PLCL1: variants seen among roughly 807,000 people sequenced by gnomAD.
PLCL1 encodes inactive phospholipase C-like protein 1.
In PLCL1, 41 loss-of-function variants were observed where a neutral mutation model predicts 84.4. The observed-to-expected ratio is 0.49, with a 90% CI of 0.38 to 0.63. The LOEUF is 0.63. Among genes scored for constraint, PLCL1 ranks in the 30% least tolerant of loss-of-function variants. The probability of loss-of-function intolerance (pLI) is 0.00; values close to 1 mark genes in which losing one functional copy is unlikely to be tolerated. For missense variants in PLCL1, 1,206 were observed against 1,367.8 expected (o/e 0.88, Z 1.87); for synonymous variants, 490 against 488.3 (o/e 1.00, Z -0.05).
Position 198,020,573 on chromosome 2 carries a change from GA to G in PLCL1, c.241-63176del, listed in dbSNP as rs532424499. Among the ~76,000 whole-genome samples the G allele has an allele frequency of 6.4e-4, 94 of 146,926 alleles. 3 individuals carry two copies. The South Asian group carries it at 0.014, about 22-fold the overall frequency. Reference sequence around the variant, plus strand: ...CAAGCAAATGGAAAGAAAAAAAAAAGAAAAAAAAAGCAGGGATTGCAATCCT... The same window carrying G: ...CAAGCAAATGGAAAGAAAAAAAAAAGAAAAAAAAGCAGGGATTGCAATCCT... On this transcript the variant is annotated intron_variant, in intron 1 of 5. Coordinates refer to ENST00000428675, the MANE Select transcript of PLCL1 (RefSeq NM_006226.4).
rs1010271905 is a variant in PLCL1, at chr2:197,859,646, G to A, written c.240+54307G>A. Among the ~76,000 whole-genome samples, 5 of 152,040 alleles carry A rather than the reference G, an allele frequency of 3.3e-5. No individual in the cohort carries two copies. The East Asian group carries it at 7.7e-4, about 23-fold the overall frequency. On this transcript the variant is annotated intron_variant, in intron 1 of 5. Coordinates refer to ENST00000428675, the MANE Select transcript of PLCL1 (RefSeq NM_006226.4). ...CATGAGTTGTAGTGGTCATAAAGTC[G>A]TAGTGATATCTATTACCTTTCCTAT...
At chr2:197,840,360 C>T (rs1574907145) in intron 1 of PLCL1, among the ~76,000 whole-genome samples, 1 of 152,058 alleles carries the variant, frequency 6.6e-6, no homozygotes, top group Non-Finnish European at 1.5e-5. Flanking sequence ...GATAGCATGC[C>T]TCTCGGTGAG....
chr2:197,935,607 A>G (rs1267914928), intron 1 of PLCL1, among the ~76,000 whole-genome samples: 2 of 152,228 alleles, frequency 1.3e-5, no homozygotes, highest in East Asian at 1.9e-4. Context: ...ACGGGAACCT[A>G]TTTGAGGGTA....
chr2:198,043,555 C>T (rs1390232695), intron 1 of PLCL1, among the ~76,000 whole-genome samples: 1 of 152,174 alleles, frequency 6.6e-6, no homozygotes, highest in Non-Finnish European at 1.5e-5. Flanking sequence ...TTGTGTCTTT[C>T]TCAGGCAGGA....
intron 1 of PLCL1, among the ~76,000 whole-genome samples, chr2:198,066,004 G>A (rs1297260484): frequency 6.6e-6 from 1 of 151,908 alleles, no homozygotes; most frequent in Non-Finnish European, 1.5e-5. Context: ...AATATCAAGG[G>A]TTACAAATTA....
At chr2:198,146,426 T>C (rs1694516895) in intron 5 of PLCL1, among the ~76,000 whole-genome samples, 1 of 152,192 alleles carries the variant, frequency 6.6e-6, no homozygotes, top group African/African-American at 2.4e-5. Flanking sequence ...CTAGGAATGC[T>C]GGATCTGGGC....
intron 5 of PLCL1, among the ~76,000 whole-genome samples, chr2:198,127,796 T>G (rs1429777644): frequency 6.6e-6 from 1 of 152,148 alleles, no homozygotes; most frequent in East Asian, 1.9e-4. Context: ...CACAAGCTTT[T>G]TGTGGACAGC....
chr2:197,947,661 T>C (rs1373581194), intron 1 of PLCL1, among the ~76,000 whole-genome samples: 2 of 152,098 alleles, frequency 1.3e-5, no homozygotes, highest in Non-Finnish European at 2.9e-5. Context: ...ATGGAGACAG[T>C]GGCAGCAGAT....
At chr2:198,103,974 T>G in intron 5 of PLCL1, 38 bp downstream of exon 5, 1 of 995,474 alleles carries the variant, frequency 1.0e-6, no homozygotes, top group Non-Finnish European at 1.5e-6. Flanking sequence ...TGCCTTTACT[T>G]TTCTTCTCCT....
chr2:197,815,771 A>G (rs775752675), intron 1 of PLCL1, among the ~76,000 whole-genome samples: 5 of 152,134 alleles, frequency 3.3e-5, no homozygotes, highest in Non-Finnish European at 5.9e-5. Flanking sequence ...CGGTGGGGGA[A>G]GTCACTGTAG....
chr2:197,822,047 T>G (rs1182455969), intron 1 of PLCL1, among the ~76,000 whole-genome samples: 1 of 152,120 alleles, frequency 6.6e-6, no homozygotes, highest in East Asian at 1.9e-4. Context: ...CTCACAGACA[T>G]GGACTGCACT....
chr2:198,040,182 C>T (rs147675043), intron 1 of PLCL1, among the ~76,000 whole-genome samples: 1 of 152,222 alleles, frequency 6.6e-6, no homozygotes. Flanking sequence ...ATATTCTCAG[C>T]ATAGACGAGG....
Position 197,977,001 on chromosome 2 carries a change from T to C in PLCL1, c.241-106757T>C, listed in dbSNP as rs541721537. On this transcript the variant is annotated intron_variant, in intron 1 of 5. Transcript: ENST00000428675. ...CTCTACTCATGTGGACCGTTTGGTCTGCCATTTGAGCTCAGTTTTTGATAG... is the reference window on the plus strand; with the variant it reads ...CTCTACTCATGTGGACCGTTTGGTCCGCCATTTGAGCTCAGTTTTTGATAG... Among the ~76,000 whole-genome samples the C allele has an allele frequency of 8.5e-5, 13 of 152,312 alleles. No individual in the cohort carries two copies. In the South Asian group the frequency reaches 2.5e-3, roughly 29 times the overall value.
intron 1 of PLCL1, among the ~76,000 whole-genome samples, chr2:198,070,039 C>T (rs1428506401): frequency 6.6e-6 from 1 of 152,088 alleles, no homozygotes; most frequent in Non-Finnish European, 1.5e-5. Flanking sequence ...AGTTACATAT[C>T]TAGACATGAA....
At chr2:197,883,165 A>G (rs1687859235) in intron 1 of PLCL1, among the ~76,000 whole-genome samples, 1 of 152,198 alleles carries the variant, frequency 6.6e-6, no homozygotes, top group Non-Finnish European at 1.5e-5. Context: ...CAAGCTGTTC[A>G]TTTAAGATCT....
chr2:198,057,465 C>T (rs566505674), intron 1 of PLCL1, among the ~76,000 whole-genome samples: 1 of 152,092 alleles, frequency 6.6e-6, no homozygotes, highest in Admixed American at 6.5e-5. Context: ...TTGTCATGCC[C>T]ATTTCAAAGG....
intron 1 of PLCL1, among the ~76,000 whole-genome samples, chr2:197,886,783 C>T (rs1687932723): frequency 6.6e-6 from 1 of 152,162 alleles, no homozygotes; most frequent in Non-Finnish European, 1.5e-5. Flanking sequence ...GAGAATTCTT[C>T]AATCCATCAT....
At chr2:197,863,044 T>C (rs1687462603) in intron 1 of PLCL1, among the ~76,000 whole-genome samples, 1 of 152,040 alleles carries the variant, frequency 6.6e-6, no homozygotes. Flanking sequence ...ATGTCTTAAA[T>C]TAGAGACGGT....
chr2:198,117,426 T>C (rs151132702), intron 5 of PLCL1, among the ~76,000 whole-genome samples: 1 of 151,560 alleles, frequency 6.6e-6, no homozygotes, highest in Non-Finnish European at 1.5e-5. Context: ...GAATTACTCA[T>C]GTTCTCTGGT....
Sources: gnomAD v4.1 joint callset for allele counts (sites outside exome capture counted in the v4.1 genomes callset) on GRCh38, gnomAD v4.1.1 for gene constraint, MANE v1.5 for transcripts, NCBI Gene and HGNC (gene_info 2026-07-23, HGNC 2026-07-21) for gene names.